Variants in ENSA observed in about 807,000 individuals in gnomAD.
The protein encoded by ENSA is endosulfine alpha.
Under a neutral mutation model 16.8 loss-of-function variants are expected in ENSA, and 7 were observed. The observed-to-expected ratio is 0.42, with a 90% confidence interval of 0.24 to 0.78. The LOEUF is 0.78. Among genes scored for constraint, ENSA ranks in the 30% least tolerant of loss-of-function variants. ENSA has a pLI of 0.29. For synonymous variants in ENSA, 58 were observed against 53.4 expected (o/e 1.09, Z -0.37); for missense variants, 87 against 142.3 (o/e 0.61, Z 1.98).
downstream of ENSA, chr1:150,621,597 CCTTT>C (rs1434778408): frequency 6.6e-6 from 1 of 152,148 alleles, no homozygotes; most frequent in Non-Finnish European, 1.5e-5. Context: ...CCTTTGGTAA[CCTTT>C]CTTTTGTACG....
At chr1:150,622,914 GA>G (rs1181662882) in intron 3 of ENSA, 55 bp from the exon 4 acceptor site, 9 of 1,532,164 alleles carry the variant, frequency 5.9e-6, no homozygotes, top group Admixed American at 2.1e-5. Context: ...AGTAATAGGG[GA>G]AAAAAACCCT....
chr1:150,624,301 A>G, intron 3 of ENSA: 1 of 985,900 alleles, frequency 1.0e-6, no homozygotes, highest in Non-Finnish European at 1.2e-6. Flanking sequence ...GCTTCCTCCA[A>G]GGTGAATCAT....
intron 1 of ENSA, chr1:150,628,972 A>G (rs1649543292): frequency 4.2e-6 from 6 of 1,417,364 alleles, no homozygotes; most frequent in South Asian, 3.5e-5. Context: ...CCCTCCCCCA[A>G]TACTGGTTTT....
Position 150,627,476 on chromosome 1 carries a change from G to C in ENSA, c.174C>G (p.Leu58=). The C allele has an allele frequency of 6.2e-7, 1 of 1,614,192 alleles. No homozygotes were observed. Among genetic ancestry groups the C allele is most frequent in the Non-Finnish European group, 8.5e-7 (1 of 1,180,050 alleles). Residue 58 remains leucine, a synonymous_variant, in exon 2 of 4, where the codon CTC becomes CTG. Transcript: ENST00000369014. The stretch of plus-strand genomic sequence containing the variant: ...AGACTATGCCCCATACCCCTTTCTG[G>C]AGTCTCTTCATGAGGAAGTCGGAGC... ...PGGSDFLMKR[L]QKGQKYFDSG... is the part of the protein sequence containing the mutation.
rs986086416 is a variant in ENSA at position 150,624,650 on chromosome 1, T to C, written c.350+992A>G. The C allele has an allele frequency of 1.3e-5, 13 of 985,460 alleles. No individual in the cohort carries two copies. The African/African-American group carries it at 2.1e-4, about 16-fold the overall frequency. 61.0% of individuals were successfully genotyped at this position (985,460 alleles called of 1,614,324 possible). A position where few individuals can be genotyped will look rare whatever the true frequency, so the allele number is the denominator to read the frequency against. On this transcript the variant is annotated intron_variant, in intron 3 of 3. Transcript: ENST00000369014. Reference sequence around the variant, plus strand: ...TGAATTTATAATCCCCAAACCTCAATTTACTCTCTCCTCATGTATCCCTCA... The same window carrying C: ...TGAATTTATAATCCCCAAACCTCAACTTACTCTCTCCTCATGTATCCCTCA...
At chr1:150,624,174 C>T (rs1649148977) in intron 3 of ENSA, 3 of 985,476 alleles carry the variant, frequency 3.0e-6, no homozygotes, top group Non-Finnish European at 3.6e-6. Flanking sequence ...CTTTCCTCCA[C>T]CTGTTCATGA....
Position 150,629,479 on chromosome 1 carries a change from C to T in ENSA, c.-9G>A, listed in dbSNP as rs376153418. On this transcript the variant is annotated 5_prime_UTR_variant, in exon 1 of 4. Transcript: ENST00000369014. ...TCTTGTTTCTGGGACATGGCGGGAC[C>T]GGGACTGTGGAGTGTAAGGGGCCCG... 2.2e-5 allele frequency: 35 copies of T among 1,613,264 alleles called. No homozygotes were observed. The African/African-American group carries it at 4.0e-4, about 18-fold the overall frequency.
rs1345393421 is a variant in ENSA at position 150,622,137 on chromosome 1, G to GT, written c.*706dup. On this transcript the variant is annotated 3_prime_UTR_variant, in exon 4 of 4. Coordinates refer to ENST00000369014, the MANE Select transcript of ENSA (RefSeq NM_004436.4). ...CTGCTTCAGAATATTTCTGGGTTGG[G>GT]TTTTTTCATGGGTTTTTGTTTTGTT... 5 of 152,192 alleles carry GT rather than the reference G, an allele frequency of 3.3e-5. No individual in the cohort carries two copies. The East Asian group carries it at 5.8e-4, about 18-fold the overall frequency. 9.4% of individuals were successfully genotyped at this position (152,192 alleles called of 1,614,324 possible). A position where few individuals can be genotyped will look rare whatever the true frequency, so the allele number is the denominator to read the frequency against.
intron 3 of ENSA, chr1:150,624,229 G>A (rs1649152669): frequency 1.0e-6 from 1 of 983,748 alleles, no homozygotes; most frequent in Non-Finnish European, 1.2e-6. Flanking sequence ...CTGGGTTGCT[G>A]AGTTCTGGGG....
At chr1:150,622,882 A>G (rs1571005835) in intron 3 of ENSA, 23 bp from the exon 4 acceptor site, 1 of 1,545,306 alleles carries the variant, frequency 6.5e-7, no homozygotes. Flanking sequence ...ACAGAAGAAA[A>G]AAAAAAAAAA....
chr1:150,625,900 A>G (rs1237091939), intron 2 of ENSA, 92 bp from the exon 3 acceptor site: 2 of 1,477,806 alleles, frequency 1.4e-6, no homozygotes, highest in African/African-American at 1.4e-5. Flanking sequence ...ATAAACCCTC[A>G]TGCACACTCG....
intron 2 of ENSA, chr1:150,626,997 G>T: frequency 9.6e-7 from 1 of 1,043,424 alleles, no homozygotes; most frequent in Non-Finnish European, 1.2e-6. Flanking sequence ...ATTTGCTGCA[G>T]GAGTATAATT....
chr1:150,624,552 A>C (rs1649172732), intron 3 of ENSA: 1 of 985,788 alleles, frequency 1.0e-6, no homozygotes, highest in African/African-American at 1.7e-5. Flanking sequence ...AGAGGCAAGA[A>C]GCTTCCATGG....
intron 1 of ENSA, chr1:150,629,060 C>G: frequency 6.2e-7 from 1 of 1,614,144 alleles, no homozygotes; most frequent in East Asian, 2.2e-5. Flanking sequence ...GGGTCACTTA[C>G]CTCTACAAAC....
At chr1:150,625,903 C>T in intron 2 of ENSA, 95 bp from the exon 3 acceptor site, 1 of 1,475,286 alleles carries the variant, frequency 6.8e-7, no homozygotes, top group Non-Finnish European at 9.0e-7. Flanking sequence ...AACCCTCATG[C>T]ACACTCGGAT....
chr1:150,629,308 C>T, intron 1 of ENSA, 106 bp downstream of exon 1: 1 of 1,542,058 alleles, frequency 6.5e-7, no homozygotes, highest in Non-Finnish European at 8.8e-7. Context: ...AGTGGCCAAC[C>T]CCTGCGGAGC....
At chr1:150,624,151 T>G (rs1557768571) in intron 3 of ENSA, 13 of 985,326 alleles carry the variant, frequency 1.3e-5, no homozygotes, top group Non-Finnish European at 1.6e-5. Context: ...AAGATGCTGG[T>G]CACCTGCAAC....
In ENSA at chr1:150,629,537, A is replaced by T; in HGVS notation, c.-67T>A. ...AACCGGAGAAGGGAAGGGGGAGGGG[A>T]AACGGGGACAACCTGCGCTGCTGCT... On this transcript the variant is annotated 5_prime_UTR_variant, in exon 1 of 4. Coordinates refer to ENST00000369014, the MANE Select transcript of ENSA (RefSeq NM_004436.4). 6.4e-7 allele frequency: 1 copy of T among 1,573,122 alleles called. No individual in the cohort carries two copies. Among genetic ancestry groups the T allele is most frequent in the Non-Finnish European group, 8.6e-7 (1 of 1,157,050 alleles).
At chr1:150,626,260 A>G (rs1649300573) in intron 2 of ENSA, among the ~76,000 whole-genome samples, 1 of 152,232 alleles carries the variant, frequency 6.6e-6, no homozygotes, top group South Asian at 2.1e-4. Flanking sequence ...CAACAACCTC[A>G]AAATGATTAT....
Sources: gnomAD v4.1 joint callset for allele counts (sites outside exome capture counted in the v4.1 genomes callset) on GRCh38, gnomAD v4.1.1 for gene constraint, MANE v1.5 for transcripts, NCBI Gene and HGNC (gene_info 2026-07-23, HGNC 2026-07-21) for gene names.